Variants in LIN7A observed in about 807,000 individuals in gnomAD.
The protein encoded by LIN7A is lin-7 cell polarity scaffold A, also known as protein lin-7 homolog A.
LIN7A carries 25 observed loss-of-function variants against 29.8 expected under a neutral mutation model. That is an observed-to-expected ratio of 0.84 (90% CI 0.61 to 1.17). The LOEUF (loss-of-function observed/expected upper bound fraction) is 1.17. Ranked by LOEUF, LIN7A falls within the 50% of genes most tolerant of loss-of-function variation. The probability of loss-of-function intolerance (pLI) is 0.00; values close to 1 mark genes in which losing one functional copy is unlikely to be tolerated. For missense variants in LIN7A, 239 were observed against 287.0 expected (o/e 0.83, Z 1.21); for synonymous variants, 118 against 107.5 (o/e 1.10, Z -0.60).
chr12:80,806,309 C>A (rs931642893), intron 5 of LIN7A, among the ~76,000 whole-genome samples: 3 of 152,004 alleles, frequency 2.0e-5, no homozygotes, highest in Non-Finnish European at 4.4e-5. Flanking sequence ...TATTGTGCAG[C>A]AATAATTTTT....
rs1160079010 is a variant in LIN7A at position 80,841,406 on chromosome 12, AGGAG to A, written c.483+4320_483+4323del. Among the ~76,000 whole-genome samples, 56 of 148,314 alleles carry A rather than the reference AGGAG, an allele frequency of 3.8e-4. 1 individual carries two copies. The South Asian group carries it at 0.013, about 34-fold the overall frequency. On this transcript the variant is annotated intron_variant, in intron 4 of 5. Transcript: ENST00000552864. ...AAGGAAGGAAGGAAGGAAGGAAGGAAGGAGGGAAAGAAAGTACGAACAGCACCCT... is the reference window on the plus strand; with the variant it reads ...AAGGAAGGAAGGAAGGAAGGAAGGAAGGAAAGAAAGTACGAACAGCACCCT...
intron 1 of LIN7A, among the ~76,000 whole-genome samples, chr12:80,903,355 C>T (rs989010260): frequency 6.6e-6 from 1 of 151,790 alleles, no homozygotes; most frequent in African/African-American, 2.4e-5. Context: ...TTTTCATCAC[C>T]CACCCTCCTA....
chr12:80,833,468 G>C (rs1872469178), intron 4 of LIN7A, among the ~76,000 whole-genome samples: 1 of 152,148 alleles, frequency 6.6e-6, no homozygotes, highest in South Asian at 2.1e-4. Flanking sequence ...GAGTGTCCTG[G>C]TTGATCTTCC....
At chr12:80,876,977 C>T (rs971755867) in intron 2 of LIN7A, among the ~76,000 whole-genome samples, 12 of 151,886 alleles carry the variant, frequency 7.9e-5, no homozygotes, top group Non-Finnish European at 1.5e-4. Context: ...CAAAAACTAG[C>T]TGGGCATGGT....
chr12:80,876,198 T>TG (rs916234296), intron 2 of LIN7A, among the ~76,000 whole-genome samples: 3 of 151,888 alleles, frequency 2.0e-5, no homozygotes, highest in African/African-American at 7.3e-5. Flanking sequence ...CAAAACTATG[T>TG]GCCACCCCTG....
At chr12:80,877,078 T>C (rs1383838667) in intron 2 of LIN7A, among the ~76,000 whole-genome samples, 14 of 141,796 alleles carry the variant, frequency 9.9e-5, no homozygotes, top group African/African-American at 3.6e-4. Context: ...GTCGAGATCA[T>C]GCCACTGCAC....
At chr12:80,818,982 G>T (rs1871667005) in intron 4 of LIN7A, among the ~76,000 whole-genome samples, 1 of 152,146 alleles carries the variant, frequency 6.6e-6, no homozygotes, top group African/African-American at 2.4e-5. Context: ...AATTAAGAAA[G>T]AAATATCTTT....
At chr12:80,912,672 G>A (rs573860147) in intron 1 of LIN7A, among the ~76,000 whole-genome samples, 14 of 145,990 alleles carry the variant, frequency 9.6e-5, no homozygotes, top group South Asian at 6.6e-4. Flanking sequence ...CCGAGATCGC[G>A]TCACTGCACT....
chr12:80,821,989 C>T lies in LIN7A; in HGVS notation c.484-10306G>A, dbSNP rs144194575. On this transcript the variant is annotated intron_variant, in intron 4 of 5. Transcript: ENST00000552864. ...GCACTGACAAGCCAACCCCCTGACA[C>T]CTCAGCCCTCTGTGGACTTTGGGCA... Among the ~76,000 whole-genome samples the T allele has an allele frequency of 1.4e-3, 218 of 152,342 alleles. 1 individual carries two copies. Among genetic ancestry groups the T allele is most frequent in the Non-Finnish European group, 2.5e-3 (169 of 68,034 alleles).
chr12:80,937,889 G>T lies in LIN7A; in HGVS notation c.-167C>A, dbSNP rs1389685262. 2 of 485,042 alleles carry T rather than the reference G, an allele frequency of 4.1e-6. No individual in the cohort carries two copies. Among genetic ancestry groups the T allele is most frequent in the African/African-American group, 4.0e-5 (2 of 49,668 alleles). The allele number at this position is 485,042 out of a possible 1,614,324, so 30.0% of individuals were successfully genotyped here. A position where few individuals can be genotyped will look rare whatever the true frequency, so the allele number is the denominator to read the frequency against. On this transcript the variant is annotated 5_prime_UTR_variant, in exon 1 of 6. It adds an upstream start codon to the 5' untranslated region. Coordinates refer to ENST00000552864, the MANE Select transcript of LIN7A (RefSeq NM_004664.4). The stretch of plus-strand genomic sequence containing the variant: ...GAGACGCAACTGTTCCGCGGCGGCA[G>T]ATCTTCAGTTGCGGTGCGGAGCTGA...
chr12:80,858,189 A>G (rs1873696151), intron 2 of LIN7A, among the ~76,000 whole-genome samples: 1 of 152,188 alleles, frequency 6.6e-6, no homozygotes, highest in Non-Finnish European at 1.5e-5. Flanking sequence ...TCCAAAGTAA[A>G]TAGAATATAC....
At chr12:80,923,329 G>A (rs1251721924) in intron 1 of LIN7A, among the ~76,000 whole-genome samples, 2 of 152,004 alleles carry the variant, frequency 1.3e-5, no homozygotes, top group Non-Finnish European at 2.9e-5. Flanking sequence ...GGTCTTCTCA[G>A]CCTCCATAAT....
intron 4 of LIN7A, among the ~76,000 whole-genome samples, chr12:80,834,180 C>T (rs1872510216): frequency 6.6e-6 from 1 of 152,048 alleles, no homozygotes; most frequent in South Asian, 2.1e-4. Flanking sequence ...GTGATTAGTT[C>T]AGAATGAAAA....
At chr12:80,843,024 G>A (rs974135504) in intron 4 of LIN7A, among the ~76,000 whole-genome samples, 1 of 152,084 alleles carries the variant, frequency 6.6e-6, no homozygotes, top group African/African-American at 2.4e-5. Context: ...AGTAGCTGTT[G>A]CACCTACTTC....
chr12:80,838,807 C>A (rs551238254), intron 4 of LIN7A, among the ~76,000 whole-genome samples: 1 of 152,294 alleles, frequency 6.6e-6, no homozygotes, highest in African/African-American at 2.4e-5. Flanking sequence ...GAAGACTGAG[C>A]TTCTGTCTTT....
chr12:80,845,941 T>TG lies in LIN7A; in HGVS notation c.274-3dup. The stretch of plus-strand genomic sequence containing the variant: ...AGCTGCAAAAGCTGCAACTGTTGCC[T>TG]GAAAAAAAAAAAAAAAGATGGTCTT... On this transcript the variant is annotated splice_region_variant and splice_polypyrimidine_tract_variant and intron_variant, in intron 3 of 5. Coordinates refer to ENST00000552864, the MANE Select transcript of LIN7A (RefSeq NM_004664.4). 1.3e-6 allele frequency: 2 copies of TG among 1,509,136 alleles called. No individual in the cohort carries two copies. The highest frequency in any genetic ancestry group is 2.7e-5 in the South Asian group (2 of 75,432). The allele number at this position is 1,509,136 out of a possible 1,614,324, so 93.5% of individuals were successfully genotyped here. A position where few individuals can be genotyped will look rare whatever the true frequency, so the allele number is the denominator to read the frequency against.
intron 2 of LIN7A, among the ~76,000 whole-genome samples, chr12:80,859,899 C>T (rs1873779008): frequency 6.6e-6 from 1 of 152,076 alleles, no homozygotes; most frequent in African/African-American, 2.4e-5. Flanking sequence ...TCATTACATA[C>T]TTTTTATAAT....
chr12:80,842,307 C>A (rs1872860562), intron 4 of LIN7A, among the ~76,000 whole-genome samples: 1 of 151,956 alleles, frequency 6.6e-6, no homozygotes, highest in South Asian at 2.1e-4. Context: ...GACATTTAAA[C>A]ATCTGAAAAG....
intron 4 of LIN7A, among the ~76,000 whole-genome samples, chr12:80,836,861 G>A (rs1323815745): frequency 6.6e-6 from 1 of 151,676 alleles, no homozygotes; most frequent in Non-Finnish European, 1.5e-5. Context: ...CACCTTAGGA[G>A]TAAAAAAGGA....
Sources: allele counts gnomAD v4.1 joint callset (sites outside exome capture counted in the v4.1 genomes callset), GRCh38; gene constraint gnomAD v4.1.1; transcripts MANE v1.5; gene names NCBI Gene and HGNC (gene_info 2026-07-23, HGNC 2026-07-21).